The following MYOM2 variants were observed in gnomAD, a reference collection of about 807,000 sequenced individuals.
MYOM2 encodes the protein myomesin 2, also known as myomesin-2.
A neutral mutation model predicts 187.6 loss-of-function variants in MYOM2; 254 were observed. The observed-to-expected ratio is 1.35, with a 90% CI of 1.22 to 1.50. MYOM2 has a LOEUF of 1.50. MYOM2 is among the 40% of genes most tolerant of loss of function. MYOM2 has a pLI of 0.00. For synonymous variants in MYOM2, 981 were observed against 753.8 expected (o/e 1.30, Z -4.94); for missense variants, 2,796 against 1,924.0 (o/e 1.45, Z -8.48).
chr8:2,079,570 G>C lies in MYOM2; in HGVS notation c.1473G>C (p.Leu491Phe). The C allele has an allele frequency of 6.2e-7, 1 of 1,614,136 alleles. No homozygotes were observed. Among genetic ancestry groups the C allele is most frequent in the Non-Finnish European group, 8.5e-7 (1 of 1,180,012 alleles). ...CCTTTCTCTCCGCAGCCGTTCATTT[G>C]GAGGGAGAGAAGGAGATTGCCATTT... ...LDLRRLQAVH[L>F]EGEKEIAIYQ... The change falls in exon 13 of 37, where the codon TTG becomes TTC. Residue 491 changes from leucine to phenylalanine, a missense_variant. By Grantham distance (22) the Leu-to-Phe change is conservative. Coordinates refer to ENST00000262113, the MANE Select transcript of MYOM2 (RefSeq NM_003970.4).
intron 31 of MYOM2, among the ~76,000 whole-genome samples, chr8:2,124,856 T>G (rs1465939196): frequency 6.6e-6 from 1 of 152,204 alleles, no homozygotes; most frequent in Non-Finnish European, 1.5e-5. Flanking sequence ...ATGTTCAGTA[T>G]TTTTCAAGTA....
chr8:2,057,493 G>C lies in MYOM2; in HGVS notation c.402+7G>C. 1 of 1,613,920 alleles carries C rather than the reference G, an allele frequency of 6.2e-7. No homozygotes were observed. Among genetic ancestry groups the C allele is most frequent in the Non-Finnish European group, 8.5e-7 (1 of 1,179,904 alleles). ...ATACGCCATTCAGCAGATGGTAGGAGGGTCTCAGGGTGGCTGGGTGTCTGG... is the reference window on the plus strand; with the variant it reads ...ATACGCCATTCAGCAGATGGTAGGACGGTCTCAGGGTGGCTGGGTGTCTGG... On this transcript the variant is annotated splice_region_variant and intron_variant, in intron 4 of 36. Coordinates refer to ENST00000262113, the MANE Select transcript of MYOM2 (RefSeq NM_003970.4).
intron 32 of MYOM2, among the ~76,000 whole-genome samples, chr8:2,130,299 CGCCTTT>C (rs1797817031): frequency 7.5e-6 from 1 of 134,214 alleles, no homozygotes; most frequent in South Asian, 2.4e-4. Context: ...GCCCACACCC[CGCCTTT>C]AGTTAACGCC....
intron 1 of MYOM2, among the ~76,000 whole-genome samples, chr8:2,047,890 A>C (rs745394594): frequency 1.1e-4 from 17 of 152,224 alleles, no homozygotes; most frequent in Non-Finnish European, 2.2e-4. Context: ...ATGTCACGTC[A>C]GTGATACATA....
rs774431964 is a variant in MYOM2 at position 2,116,057 on chromosome 8, A to T, written c.3278A>T (p.His1093Leu). 2.9e-5 allele frequency: 47 copies of T among 1,613,812 alleles called. No individual in the cohort carries two copies. Among genetic ancestry groups the T allele is most frequent in the East Asian group, 4.5e-5 (2 of 44,878 alleles). ...ENEGTYTVQIHDGKAKSQSSL... is the reference protein window; with the variant it reads ...ENEGTYTVQILDGKAKSQSSL... ...GAGGGGACCTACACTGTGCAGATTC[A>T]TGATGGGAAAGCCAAAAGTCAGTCT... Residue 1093 changes from histidine (H) to leucine (L), a missense_variant, in exon 26 of 37, where the codon CAT becomes CTT. By Grantham distance (99) the His-to-Leu change is moderately conservative (BLOSUM62 -3). Transcript: ENST00000262113.
intron 10 of MYOM2, among the ~76,000 whole-genome samples, chr8:2,074,282 G>C (rs528746067): frequency 6.6e-6 from 1 of 152,276 alleles, no homozygotes; most frequent in Non-Finnish European, 1.5e-5. Flanking sequence ...ACTGTTCTCA[G>C]TTTTCCAGAT....
Position 2,050,812 on chromosome 8 carries a change from T to C in MYOM2, c.46T>C (p.Phe16Leu), listed in dbSNP as rs768079296. The C allele has an allele frequency of 5.0e-6, 8 of 1,613,724 alleles. No individual in the cohort carries two copies. Among genetic ancestry groups the C allele is most frequent in the Non-Finnish European group, 6.8e-6 (8 of 1,179,604 alleles). Residue 16 changes from phenylalanine (F) to leucine (L), a missense_variant, in exon 2 of 37, where the codon TTC becomes CTC. By Grantham distance (22) the Phe-to-Leu change is conservative. Coordinates refer to ENST00000262113, the MANE Select transcript of MYOM2 (RefSeq NM_003970.4). ...CTTCTACCAGAAGAGACATAGGCAC[T>C]TCGACCAGTCCTACCGTAATATTCA... is the stretch of plus-strand genomic sequence containing the variant. ...VPFYQKRHRH[F>L]DQSYRNIQTR...
intron 28 of MYOM2, among the ~76,000 whole-genome samples, chr8:2,119,916 G>A (rs1201610500): frequency 1.3e-5 from 2 of 152,042 alleles, no homozygotes; most frequent in South Asian, 2.1e-4. Context: ...CAGAGCAAGC[G>A]GCAGATCCAT....
At chr8:2,127,540 C>A (rs1797691180) in intron 31 of MYOM2, among the ~76,000 whole-genome samples, 1 of 152,204 alleles carries the variant, frequency 6.6e-6, no homozygotes, top group Admixed American at 6.5e-5. Context: ...AGTGGACTAG[C>A]GGGGTTTAGG....
At chr8:2,130,262 C>CATA (rs1797814722) in intron 32 of MYOM2, among the ~76,000 whole-genome samples, 1 of 142,880 alleles carries the variant, frequency 7.0e-6, no homozygotes, top group Non-Finnish European at 1.5e-5. Flanking sequence ...CTTTAGTTAA[C>CATA]GCCCGTCAGT....
intron 31 of MYOM2, chr8:2,127,987 G>T (rs1797715714): frequency 6.6e-6 from 1 of 152,230 alleles, no homozygotes; most frequent in Non-Finnish European, 1.5e-5. Flanking sequence ...TACATAGTCG[G>T]AGTCACAAAT....
intron 19 of MYOM2, among the ~76,000 whole-genome samples, chr8:2,099,332 A>G (rs1796605451): frequency 6.6e-6 from 1 of 152,190 alleles, no homozygotes; most frequent in East Asian, 1.9e-4. Flanking sequence ...CCTACCCCAA[A>G]GGAGCAGGCA....
At chr8:2,103,715 G>C (rs1425098124) in intron 21 of MYOM2, among the ~76,000 whole-genome samples, 4 of 148,370 alleles carry the variant, frequency 2.7e-5, no homozygotes, top group African/African-American at 7.5e-5. Context: ...GCATGTATTA[G>C]TGTATATGTG....
chr8:2,079,309 G>C (rs148369373), intron 12 of MYOM2, among the ~76,000 whole-genome samples: 1 of 151,906 alleles, frequency 6.6e-6, no homozygotes, highest in East Asian at 1.9e-4. Context: ...AATGGGACTG[G>C]GCCCTTCGTT....
chr8:2,089,894 C>T lies in MYOM2; in HGVS notation c.1645-114C>T, dbSNP rs1023743105. 61 of 872,898 alleles carry T rather than the reference C, an allele frequency of 7.0e-5. No individual in the cohort carries two copies. The South Asian group carries it at 9.5e-4, about 14-fold the overall frequency. The allele number at this position is 872,898 out of a possible 1,614,324, so 54.1% of individuals were successfully genotyped here. A position where few individuals can be genotyped will look rare whatever the true frequency, so the allele number is the denominator to read the frequency against. ...ACCATCCTTTGTGTGCGAGACGCAGCGGGCGCGCCTGGTGGTCCTGGGATA... is the reference window on the plus strand; with the variant it reads ...ACCATCCTTTGTGTGCGAGACGCAGTGGGCGCGCCTGGTGGTCCTGGGATA... On this transcript the variant is annotated intron_variant, in intron 14 of 36. Transcript: ENST00000262113.
chr8:2,069,779 A>C lies in MYOM2; in HGVS notation c.793+282A>C, dbSNP rs193195920. On this transcript the variant is annotated intron_variant, in intron 8 of 36. Transcript: ENST00000262113. ...GCATGCTGACAATTTGTTCCCATGT[A>C]ATTCTATGGCTAGGTGGTATTTTTA... Among the ~76,000 whole-genome samples the C allele has an allele frequency of 1.4e-4, 21 of 152,296 alleles. No homozygotes were observed. The East Asian group carries it at 3.7e-3, about 27-fold the overall frequency.
At chr8:2,078,960 C>G (rs1819529197) in intron 12 of MYOM2, 27 bp downstream of exon 12, 10 of 1,605,672 alleles carry the variant, frequency 6.2e-6, no homozygotes, top group Non-Finnish European at 8.5e-6. Context: ...TAAGTATCCA[C>G]TGTGCCCAGG....
rs1796047039 is a variant in MYOM2, at chr8:2,086,331, CCCCCCACTGTTGTGATCTCTGCGTGGCCT to C, written c.1644+945_1644+973del. Among the ~76,000 whole-genome samples the C allele has an allele frequency of 2.0e-4, 20 of 99,726 alleles. 4 individuals are homozygous for C. The highest frequency in any genetic ancestry group is 3.2e-4 in the Non-Finnish European group (16 of 49,576). 65.4% of individuals were successfully genotyped at this position (99,726 alleles called of 152,430 possible). ...CCCCACAGTCGTGATCTCTGCGTGG[CCCCCCACTGTTGTGATCTCTGCGTGGCCT>C]CCCACTGTTGTGATCTCTGCGTGGC... On this transcript the variant is annotated intron_variant, in intron 14 of 36. Coordinates refer to ENST00000262113, the MANE Select transcript of MYOM2 (RefSeq NM_003970.4).
At chr8:2,086,691 G>A (rs62478381) in intron 14 of MYOM2, among the ~76,000 whole-genome samples, 14,766 of 152,318 alleles carry the variant, frequency 0.097, 919 homozygotes, top group East Asian at 0.19. Flanking sequence ...GTTGCCCCTC[G>A]GTGTGAGCAG....
Sources: allele counts gnomAD v4.1 joint callset (sites outside exome capture counted in the v4.1 genomes callset), GRCh38; gene constraint gnomAD v4.1.1; transcripts MANE v1.5; gene names NCBI Gene and HGNC (gene_info 2026-07-23, HGNC 2026-07-21).